BICRAL: variants seen among roughly 807,000 people sequenced by gnomAD.
BICRAL encodes BRD4-interacting chromatin-remodeling complex-associated protein-like.
A neutral mutation model predicts 91.8 loss-of-function variants in BICRAL; 8 were observed. That is an observed-to-expected ratio of 0.09 (90% CI 0.05 to 0.16). BICRAL has a LOEUF of 0.16. BICRAL is among the 10% of genes least tolerant of loss of function. BICRAL has a pLI of 1.00. For synonymous variants in BICRAL, 445 were observed against 491.1 expected (o/e 0.91, Z 1.24); for missense variants, 1,038 against 1,310.9 (o/e 0.79, Z 3.21).
At position 42,819,774 on chromosome 6, in the gene BICRAL, T is replaced by A. The variant is rs148556459; in HGVS notation, c.-5-2244T>A. 2.3e-3 allele frequency among the ~76,000 whole-genome samples: 349 copies of A among 152,198 alleles called. 3 individuals carry two copies. Among genetic ancestry groups the A allele is most frequent in the African/African-American group, 6.8e-3 (283 of 41,546 alleles). ...TCTTTTAATTTGAAACTGTTTAAGG[T>A]GAGAAAAGAGTGTGACCCTTTAAAA... is the stretch of plus-strand genomic sequence containing the variant. On this transcript the variant is annotated intron_variant, in intron 2 of 12. Coordinates refer to ENST00000314073, the MANE Select transcript of BICRAL (RefSeq NM_001393499.1).
chr6:42,792,888 G>A (rs1190961365), intron 1 of BICRAL, among the ~76,000 whole-genome samples: 5 of 151,108 alleles, frequency 3.3e-5, no homozygotes, highest in African/African-American at 1.2e-4. Flanking sequence ...ACTCCAGACT[G>A]GGCGACGAGA....
chr6:42,752,804 A>C lies in BICRAL; in HGVS notation c.-261+5781A>C, dbSNP rs964373712. Among the ~76,000 whole-genome samples, 3 of 151,004 alleles carry C rather than the reference A, an allele frequency of 2.0e-5. No individual in the cohort carries two copies. In the South Asian group the frequency reaches 6.3e-4, roughly 31 times the overall value. ...TTTTTAGTAGAAACAGAGTTTTGCC[A>C]TGTTGGCCAGCTAGTCTCCAACTCC... On this transcript the variant is annotated intron_variant, in intron 1 of 14. Coordinates refer to the BICRAL transcript ENST00000614467.
intron 1 of BICRAL, among the ~76,000 whole-genome samples, chr6:42,782,656 G>A (rs1762952540): frequency 6.6e-6 from 1 of 151,660 alleles, no homozygotes; most frequent in Non-Finnish European, 1.5e-5. Flanking sequence ...GGGAGGGGAG[G>A]GGAGGGAAGC....
chr6:42,771,006 T>C (rs1762716051), intron 1 of BICRAL, among the ~76,000 whole-genome samples: 1 of 152,198 alleles, frequency 6.6e-6, no homozygotes, highest in Non-Finnish European at 1.5e-5. Context: ...CAGGATTGCC[T>C]ACTCTGTCCT....
At chr6:42,761,087 C>T (rs1384023356) in intron 1 of BICRAL, among the ~76,000 whole-genome samples, 3 of 152,178 alleles carry the variant, frequency 2.0e-5, no homozygotes, top group Non-Finnish European at 4.4e-5. Flanking sequence ...AACTTTTCTG[C>T]ACCTGTTCTC....
intron 1 of BICRAL, among the ~76,000 whole-genome samples, chr6:42,747,605 C>A (rs1164567357): frequency 6.6e-6 from 1 of 152,170 alleles, no homozygotes; most frequent in East Asian, 1.9e-4. Flanking sequence ...ACAGTTCATA[C>A]CGTGTGGCAG....
At chr6:42,862,461 C>A (rs1765581501) in intron 11 of BICRAL, 49 bp from the exon 12 acceptor site, 1 of 1,234,272 alleles carries the variant, frequency 8.1e-7, no homozygotes, top group Non-Finnish European at 1.2e-6. Context: ...CCAAAAGCAA[C>A]CATTTTTTAA....
intron 6 of BICRAL, among the ~76,000 whole-genome samples, chr6:42,850,890 A>G (rs1765157212): frequency 1.3e-5 from 2 of 150,932 alleles, no homozygotes; most frequent in South Asian, 4.2e-4. Context: ...AACTGAGGGT[A>G]ATTTAAAAGC....
At chr6:42,750,633 T>C (rs1335448213) in intron 1 of BICRAL, among the ~76,000 whole-genome samples, 2 of 152,172 alleles carry the variant, frequency 1.3e-5, no homozygotes, top group Non-Finnish European at 2.9e-5. Flanking sequence ...TGGAGTGCAA[T>C]GGCGCGATCT....
At chr6:42,787,748 C>T (rs888913491) in intron 1 of BICRAL, among the ~76,000 whole-genome samples, 9 of 152,034 alleles carry the variant, frequency 5.9e-5, no homozygotes, top group African/African-American at 1.7e-4. Flanking sequence ...GACAAGTGGT[C>T]CAAGCCACAT....
Position 42,865,055 on chromosome 6 carries a change from G to C in BICRAL, c.2849G>C (p.Gly950Ala). The C allele has an allele frequency of 1.2e-6, 2 of 1,614,128 alleles. No individual in the cohort carries two copies. Among genetic ancestry groups the C allele is most frequent in the Non-Finnish European group, 1.7e-6 (2 of 1,180,042 alleles). ...AAAACCTCATCCAGATCGGATCATG[G>C]TACTGAGAGCAAACTGTCAAGCATC... ...HRKTSSRSDHGTESKLSSILA... is the reference protein window; with the variant it reads ...HRKTSSRSDHATESKLSSILA... Residue 950 changes from glycine to alanine, a missense_variant, in exon 13 of 13, where the codon GGT (glycine) becomes GCT (alanine). This residue lies in a region of BICRAL where 294 missense variants were observed against 292.6 expected (regional missense o/e 1.00). Transcript: ENST00000314073.
intron 1 of BICRAL, among the ~76,000 whole-genome samples, chr6:42,757,959 A>G (rs2113827637): frequency 6.6e-6 from 1 of 152,338 alleles, no homozygotes; most frequent in South Asian, 2.1e-4. Flanking sequence ...GGCTTCTGAC[A>G]CTGCCTGTGT....
rs752016655 is a variant in BICRAL, at chr6:42,853,720, T to C, written c.2028T>C (p.Pro676=). 1 of 1,610,992 alleles carries C rather than the reference T, an allele frequency of 6.2e-7. No individual in the cohort carries two copies. Among genetic ancestry groups the C allele is most frequent in the South Asian group, 1.1e-5 (1 of 91,046 alleles). ...AGGAAAAAGTAGTTGGATCATCTCC[T>C]GGCCATCCAGCTGTGCAGGTAGAAA... The part of the protein sequence containing the change: ...PQQEKVVGSS[P]GHPAVQVESH... Residue 676 remains proline (P), a synonymous_variant, in exon 8 of 13, where the codon CCT becomes CCC. Coordinates refer to ENST00000314073, the MANE Select transcript of BICRAL (RefSeq NM_001393499.1).
chr6:42,772,221 GAT>G (rs766735757), intron 1 of BICRAL, among the ~76,000 whole-genome samples: 15 of 133,744 alleles, frequency 1.1e-4, no homozygotes, highest in Non-Finnish European at 2.2e-4. Context: ...AGTAGGTTTA[GAT>G]ATTTTTTTTT....
At chr6:42,768,626 A>G (rs939929171) in intron 1 of BICRAL, among the ~76,000 whole-genome samples, 1 of 152,230 alleles carries the variant, frequency 6.6e-6, no homozygotes, top group Non-Finnish European at 1.5e-5. Context: ...GCCAGGCCTC[A>G]GGGGACTCAG....
chr6:42,837,417 A>T (rs1167188361), intron 6 of BICRAL, among the ~76,000 whole-genome samples: 1 of 152,020 alleles, frequency 6.6e-6, no homozygotes, highest in Non-Finnish European at 1.5e-5. Context: ...ATATAAATAT[A>T]ATATTGTTTT....
chr6:42,807,811 A>C (rs1238825855), intron 1 of BICRAL, among the ~76,000 whole-genome samples: 2 of 151,910 alleles, frequency 1.3e-5, no homozygotes, highest in Non-Finnish European at 2.9e-5. Flanking sequence ...TCTGAAAAAA[A>C]AAAAAAATAG....
chr6:42,868,513 C>T lies in BICRAL; in HGVS notation c.*3067C>T, dbSNP rs1765775631. 6.6e-6 allele frequency: 1 copy of T among 152,434 alleles called. No individual in the cohort carries two copies. The highest frequency in any genetic ancestry group is 2.4e-5 in the African/African-American group (1 of 41,362). The allele number at this position is 152,434 out of a possible 1,614,324, so 9.4% of individuals were successfully genotyped here. A position where few individuals can be genotyped will look rare whatever the true frequency, so the allele number is the denominator to read the frequency against. On this transcript the variant is annotated 3_prime_UTR_variant, in exon 13 of 13. Transcript: ENST00000314073. Reference sequence around the variant, plus strand: ...TTAGGAAATGTTTAGTTGGAGATTACAAATTGAAACAACCATTGCAATACA... The same window carrying T: ...TTAGGAAATGTTTAGTTGGAGATTATAAATTGAAACAACCATTGCAATACA...
At chr6:42,822,890 T>C (rs1764182067) in intron 4 of BICRAL, 45 bp from the exon 5 acceptor site, 2 of 1,530,992 alleles carry the variant, frequency 1.3e-6, no homozygotes, top group South Asian at 1.1e-5. Context: ...TGTTTCTGCT[T>C]TACAGTTAAA....
Sources: allele counts gnomAD v4.1 joint callset (sites outside exome capture counted in the v4.1 genomes callset), GRCh38; gene constraint gnomAD v4.1.1; regional missense constraint gnomAD v4.1.1; transcripts MANE v1.5; gene names NCBI Gene and HGNC (gene_info 2026-07-23, HGNC 2026-07-21).